The following SEPTIN8 variants were observed in gnomAD, a reference collection of about 807,000 sequenced individuals.
SEPTIN8 encodes the protein septin-8.
SEPTIN8 carries 22 observed loss-of-function variants against 53.1 expected under a neutral mutation model. The observed-to-expected ratio is 0.41, with a 90% CI of 0.30 to 0.59. SEPTIN8 has a LOEUF of 0.59. Ranked by LOEUF, SEPTIN8 falls within the 20% of genes least tolerant of loss-of-function variation. The pLI is 0.24. For missense variants in SEPTIN8, 536 were observed against 638.7 expected, an observed-to-expected ratio of 0.84 and a Z score of 1.73; for synonymous variants, 228 against 248.4, an observed-to-expected ratio of 0.92 and a Z score of 0.77.
In SEPTIN8 at chr5:132,756,221, A is replaced by G. The variant is rs534193984; in HGVS notation, c.1287-4040T>C. 4 of 985,444 alleles carry G rather than the reference A, an allele frequency of 4.1e-6. No homozygotes were observed. In the South Asian group the frequency reaches 1.9e-4, roughly 46 times the overall value. 61.0% of individuals were successfully genotyped at this position (985,444 alleles called of 1,614,324 possible). A position where few individuals can be genotyped will look rare whatever the true frequency, so the allele number is the denominator to read the frequency against. ...CATTTACACATACACAAACATATGC[A>G]GTCAGTAATGCACAATTACAAACCA... On this transcript the variant is annotated intron_variant, in intron 9 of 9. Coordinates refer to ENST00000378719, the MANE Select transcript of SEPTIN8 (RefSeq NM_001098811.2).
chr5:132,758,777 T>A (rs746502815), intron 9 of SEPTIN8: 2 of 1,614,050 alleles, frequency 1.2e-6, no homozygotes, highest in South Asian at 1.1e-5. Flanking sequence ...ACTTAACACA[T>A]GAAAGTCTAA....
intron 1 of SEPTIN8, chr5:132,774,325 A>T (rs1042962786): frequency 6.2e-6 from 1 of 160,792 alleles, no homozygotes; most frequent in Non-Finnish European, 1.5e-5. Context: ...CCCAAGCCCT[A>T]AAGGGTTGCT....
In SEPTIN8 at chr5:132,761,686, C is replaced by T; in HGVS notation, c.794-60G>A. 1 of 1,599,746 alleles carries T rather than the reference C, an allele frequency of 6.3e-7. No homozygotes were observed. The highest frequency in any genetic ancestry group is 8.5e-7 in the Non-Finnish European group (1 of 1,171,786). On this transcript the variant is annotated intron_variant, in intron 6 of 9. Transcript: ENST00000378719. The surrounding 1 kb of genome is among the most constrained non-coding windows in gnomAD (Gnocchi z 5.8). The stretch of plus-strand genomic sequence containing the variant: ...CATGCAGGCGGGCACACTCCAGAGT[C>T]AGGGTAGGCACGCAGGTGGGCATGA...
chr5:132,779,848 G>T (rs1207823653), upstream of SEPTIN8, among the ~76,000 whole-genome samples: 1 of 152,108 alleles, frequency 6.6e-6, no homozygotes, highest in Non-Finnish European at 1.5e-5. Context: ...CAATGCAAAT[G>T]GTATCACAGA....
At chr5:132,770,844 G>A (rs1473413171) in intron 1 of SEPTIN8, among the ~76,000 whole-genome samples, 1 of 152,212 alleles carries the variant, frequency 6.6e-6, no homozygotes, top group Non-Finnish European at 1.5e-5. Flanking sequence ...CCAGGATAGA[G>A]GGAGTTGGCA....
Position 132,761,981 on chromosome 5 carries a change from A to G in SEPTIN8, c.697-85T>C, listed in dbSNP as rs1330486869. 2 of 1,200,070 alleles carry G rather than the reference A, an allele frequency of 1.7e-6. No homozygotes were observed. The highest frequency in any genetic ancestry group is 2.3e-6 in the Non-Finnish European group (2 of 854,638). 74.3% of individuals were successfully genotyped at this position (1,200,070 alleles called of 1,614,324 possible). On this transcript the variant is annotated intron_variant, in intron 5 of 9. Coordinates refer to ENST00000378719, the MANE Select transcript of SEPTIN8 (RefSeq NM_001098811.2). This position sits in a 1 kb window ranked among gnomAD's most constrained non-coding sequence, Gnocchi z 5.8. ...CCCTCCCTGCCCCTGGGTCCTAGGGAGGGGCAGCCAGACCTGAACAAAGGC... is the reference window on the plus strand; with the variant it reads ...CCCTCCCTGCCCCTGGGTCCTAGGGGGGGGCAGCCAGACCTGAACAAAGGC...
intron 9 of SEPTIN8, chr5:132,754,491 G>A (rs112739008): frequency 2.9e-4 from 211 of 717,478 alleles, no homozygotes; most frequent in Middle Eastern, 2.1e-3. Flanking sequence ...GATGTGAGCT[G>A]GATTCTGAGA....
At chr5:132,753,566 G>A (rs2149945268) in intron 9 of SEPTIN8, 1 of 153,186 alleles carries the variant, frequency 6.5e-6, no homozygotes, top group Middle Eastern at 3.4e-3. Flanking sequence ...GGATTATAAA[G>A]TATGCTTTGT....
At chr5:132,763,931 G>A (rs776248303) in intron 3 of SEPTIN8, 39 bp from the exon 4 acceptor site, 2 of 1,520,846 alleles carry the variant, frequency 1.3e-6, no homozygotes, top group Non-Finnish European at 1.8e-6. Flanking sequence ...TGCCAGCTGA[G>A]ATCAGGGGCT....
upstream of SEPTIN8, among the ~76,000 whole-genome samples, chr5:132,779,099 A>G (rs1439983202): frequency 6.6e-6 from 1 of 152,230 alleles, no homozygotes; most frequent in Non-Finnish European, 1.5e-5. Flanking sequence ...CTTTTGGGAT[A>G]TATTCACTCT....
At chr5:132,768,137 C>T (rs956262540) in intron 1 of SEPTIN8, among the ~76,000 whole-genome samples, 2 of 152,102 alleles carry the variant, frequency 1.3e-5, no homozygotes, top group African/African-American at 2.4e-5. Flanking sequence ...ACAGCAACTG[C>T]AGAGTGGCCT....
intron 1 of SEPTIN8, among the ~76,000 whole-genome samples, chr5:132,767,445 C>T (rs971022344): frequency 6.6e-6 from 1 of 152,168 alleles, no homozygotes; most frequent in African/African-American, 2.4e-5. Context: ...CAAGCACTTA[C>T]GTTCCAGACC....
chr5:132,762,877 C>A (rs1756139862), intron 4 of SEPTIN8, among the ~76,000 whole-genome samples: 1 of 152,176 alleles, frequency 6.6e-6, no homozygotes, highest in South Asian at 2.1e-4. Flanking sequence ...CCCTGGTTCC[C>A]CCAAATCACC....
intron 9 of SEPTIN8, chr5:132,756,748 G>A (rs912276244): frequency 5.1e-6 from 5 of 985,348 alleles, no homozygotes; most frequent in African/African-American, 1.7e-5. Context: ...GCTTAGGCCC[G>A]CAGGCAGCCA....
rs749458563 is a variant in SEPTIN8, at chr5:132,763,736, A to C, written c.504T>G (p.Asp168Glu). Residue 168 changes from aspartate to glutamate, a missense_variant, in exon 4 of 10, where the codon GAT becomes GAG. This residue lies in a region of SEPTIN8 where 395 missense variants were observed against 451.8 expected (regional missense o/e 0.87). Transcript: ENST00000378719. The part of the protein sequence containing the change: ...TPTGHSLKSL[D>E]LVTMKKLDSK... Reference sequence around the variant, plus strand: ...TGTCTAGTTTCTTCATGGTCACTAGATCTAGAGACTTCAGGGAGTGCCCTG... The same window carrying C: ...TGTCTAGTTTCTTCATGGTCACTAGCTCTAGAGACTTCAGGGAGTGCCCTG... The C allele has an allele frequency of 1.2e-6, 2 of 1,614,154 alleles. No individual in the cohort carries two copies. Among genetic ancestry groups the C allele is most frequent in the Non-Finnish European group, 1.7e-6 (2 of 1,180,000 alleles).
At position 132,765,418 on chromosome 5, in the gene SEPTIN8, G is replaced by C. The variant is rs774542800; in HGVS notation, c.142C>G (p.Leu48Val). 24 of 1,613,544 alleles carry C rather than the reference G, an allele frequency of 1.5e-5. No homozygotes were observed. The highest frequency in any genetic ancestry group is 2.5e-6 in the Non-Finnish European group (3 of 1,179,768). ...SVTQGFSFNI[L>V]CVGETGIGKS... ...AGGCCCTGACACTCACCCACACAGA[G>C]GATGTTGAAGCTGAAGCCCTGAGTG... The change falls in exon 2 of 10, where the codon CTC (leucine) becomes GTC (valine). Residue 48 changes from leucine to valine, a missense_variant. Around this residue, in one of 3 missense-constraint regions of SEPTIN8, gnomAD observed 395 missense variants for 451.8 expected, o/e 0.87. Coordinates refer to ENST00000378719, the MANE Select transcript of SEPTIN8 (RefSeq NM_001098811.2).
chr5:132,756,751 G>A (rs1755378686), intron 9 of SEPTIN8: 2 of 985,364 alleles, frequency 2.0e-6, no homozygotes, highest in African/African-American at 3.5e-5. Context: ...TAGGCCCGCA[G>A]GCAGCCAGCC....
At chr5:132,778,206 T>C (rs533282660), upstream of SEPTIN8, 4 of 592,878 alleles carry the variant, frequency 6.7e-6, no homozygotes, top group South Asian at 2.2e-4. Context: ...CTCTGCTCTT[T>C]CTGGGAATGT....
At chr5:132,756,118 A>G in intron 9 of SEPTIN8, 2 of 985,496 alleles carry the variant, frequency 2.0e-6, no homozygotes, top group Non-Finnish European at 2.4e-6. Flanking sequence ...ATTTTAGAAA[A>G]GCATGTTAAC....
Sources: allele counts gnomAD v4.1 joint callset (sites outside exome capture counted in the v4.1 genomes callset), GRCh38; gene constraint gnomAD v4.1.1; regional missense constraint gnomAD v4.1.1; non-coding constraint Gnocchi (gnomAD v3.1); transcripts MANE v1.5; gene names NCBI Gene and HGNC (gene_info 2026-07-23, HGNC 2026-07-21).